Variants in FAM153A observed in about 807,000 individuals in gnomAD.
FAM153A encodes the protein family with sequence similarity 153 member A.
FAM153A carries 12 observed loss-of-function variants against 48.1 expected under a neutral mutation model. The ratio of observed to expected loss-of-function variants is 0.25; its 90% CI spans 0.16 to 0.40. The LOEUF (loss-of-function observed/expected upper bound fraction) is 0.40, where lower values mean the gene tolerates loss of function less well. Among genes scored for constraint, FAM153A ranks in the 10% least tolerant of loss-of-function variants. The pLI is 1.00. For missense variants in FAM153A, 111 were observed against 345.8 expected, an observed-to-expected ratio of 0.32 and a Z score of 5.38; for synonymous variants, 36 against 118.2, an observed-to-expected ratio of 0.30 and a Z score of 4.51.
chr5:177,743,670 T>C (rs1480606750), intron 6 of FAM153A, among the ~76,000 whole-genome samples: 1 of 82,636 alleles, frequency 1.2e-5, no homozygotes, highest in Non-Finnish European at 2.4e-5. Context: ...TGCCCCACTC[T>C]CCCTGCTCAA....
intron 25 of FAM153A, among the ~76,000 whole-genome samples, chr5:177,715,368 T>C (rs1314389576): frequency 6.7e-6 from 1 of 150,050 alleles, no homozygotes; most frequent in Non-Finnish European, 1.5e-5. Context: ...GTTCTGTAGC[T>C]GTCACTCAAT....
chr5:177,754,298 C>T (rs1472883227), upstream of FAM153A, among the ~76,000 whole-genome samples: 5 of 151,808 alleles, frequency 3.3e-5, no homozygotes, highest in African/African-American at 7.3e-5. Context: ...TAGGGGCGCC[C>T]GCCATTGCCC....
At chr5:177,716,964 AGTGTGTGTGTGTGTGTGTGTGT>A (rs59312087) in intron 24 of FAM153A, among the ~76,000 whole-genome samples, 1 of 127,652 alleles carries the variant, frequency 7.8e-6, no homozygotes, top group African/African-American at 3.1e-5. Context: ...ATTCCCGCTT[AGTGTGTGTGTGTGTGTGTGTGT>A]GTGTGTGTGT....
At chr5:177,743,338 C>T (rs1426269042) in intron 6 of FAM153A, among the ~76,000 whole-genome samples, 28 of 79,160 alleles carry the variant, frequency 3.5e-4, no homozygotes, top group African/African-American at 1.4e-3. Context: ...GCATGAGCCA[C>T]CCTCCATCAT....
chr5:177,701,984 T>C, the FAM153A span, among the ~76,000 whole-genome samples: 3 of 151,320 alleles, frequency 2.0e-5, no homozygotes, highest in Non-Finnish European at 4.4e-5. Context: ...CTCGGCTCAC[T>C]GCAAGCTCCG....
At chr5:177,701,316 C>T in the FAM153A span, among the ~76,000 whole-genome samples, 1 of 151,968 alleles carries the variant, frequency 6.6e-6, no homozygotes, top group East Asian at 1.9e-4. Flanking sequence ...GTAACCCCAG[C>T]ACTTTGGGAG....
At chr5:177,695,931 A>T in the FAM153A span, among the ~76,000 whole-genome samples, 1 of 65,728 alleles carries the variant, frequency 1.5e-5, no homozygotes, top group Non-Finnish European at 3.3e-5. Flanking sequence ...GGGCAGGGGC[A>T]CTCCCCACTT....
the FAM153A span, among the ~76,000 whole-genome samples, chr5:177,695,890 A>T: frequency 7.5e-6 from 1 of 133,898 alleles, no homozygotes; most frequent in African/African-American, 3.0e-5. Context: ...GGCCGGGCAG[A>T]GGCACTCCTC....
chr5:177,737,786 C>G (rs1283354447), intron 10 of FAM153A, among the ~76,000 whole-genome samples: 1 of 151,706 alleles, frequency 6.6e-6, no homozygotes, highest in African/African-American at 2.4e-5. Context: ...CCCCAAACTG[C>G]TGGAATTACA....
At chr5:177,753,164 G>C in intron 1 of FAM153A, 1 of 1,610,144 alleles carries the variant, frequency 6.2e-7, no homozygotes, top group South Asian at 1.1e-5. Context: ...AGATGGAAAT[G>C]AACATACATA....
intron 1 of FAM153A, among the ~76,000 whole-genome samples, chr5:177,752,746 G>T (rs868270066): frequency 6.6e-3 from 736 of 111,206 alleles, no homozygotes; most frequent in African/African-American, 0.015. Flanking sequence ...TTGCCAACAT[G>T]GTAAAACCCT....
rs1661893734 is a variant in FAM153A at position 177,741,080 on chromosome 5, AC to A, written c.441+175del. 2.7e-5 allele frequency among the ~76,000 whole-genome samples: 2 copies of A among 73,416 alleles called. 1 individual carries two copies. The highest frequency in any genetic ancestry group is 3.2e-4 in the Admixed American group (2 of 6,204). 48.2% of individuals were successfully genotyped at this position (73,416 alleles called of 152,430 possible). On this transcript the variant is annotated intron_variant, in intron 7 of 20. Transcript: ENST00000614127. ...TTACTGCCCTAGAGTTTTTAAGTGA[AC>A]CTGTCATCTTGAATTCATTCTTGCT...
the FAM153A span, among the ~76,000 whole-genome samples, chr5:177,695,546 G>A: frequency 6.6e-6 from 1 of 152,300 alleles, no homozygotes; most frequent in Non-Finnish European, 1.5e-5. Context: ...AGTTGACACA[G>A]CACATGTTTC....
upstream of FAM153A, among the ~76,000 whole-genome samples, chr5:177,754,616 C>T (rs1188099416): frequency 4.0e-5 from 6 of 151,804 alleles, no homozygotes; most frequent in African/African-American, 9.7e-5. Flanking sequence ...CTCACATGGC[C>T]GGCTACTCCT....
At chr5:177,696,405 C>T in the FAM153A span, among the ~76,000 whole-genome samples, 3 of 151,858 alleles carry the variant, frequency 2.0e-5, no homozygotes, top group Non-Finnish European at 2.9e-5. Flanking sequence ...TCCTCACTTC[C>T]CAGACGGGGC....
chr5:177,705,926 G>T (rs1757844866), downstream of FAM153A, among the ~76,000 whole-genome samples: 1 of 151,428 alleles, frequency 6.6e-6, no homozygotes, highest in African/African-American at 2.4e-5. Flanking sequence ...CCAAAGTGCT[G>T]GGATTATAGG....
chr5:177,696,346 G>A, the FAM153A span, among the ~76,000 whole-genome samples: 3 of 150,048 alleles, frequency 2.0e-5, no homozygotes, highest in Non-Finnish European at 4.4e-5. Context: ...ATGGGCGGCC[G>A]GGCAGAGGCG....
Position 177,739,675 on chromosome 5 carries a change from G to A in FAM153A, c.467-5C>T, listed in dbSNP as rs1425570742. On this transcript the variant is annotated splice_region_variant and splice_polypyrimidine_tract_variant and intron_variant, in intron 8 of 20. Transcript: ENST00000614127. ...CTATAAACTCCTCTAGATGATCTAG[G>A]AGAAATAGGGTAAGTGTCACTGCAT... is the stretch of plus-strand genomic sequence containing the variant. 2 of 464,732 alleles carry A rather than the reference G, an allele frequency of 4.3e-6. No homozygotes were observed. Among genetic ancestry groups the A allele is most frequent in the African/African-American group, 4.6e-5 (1 of 21,518 alleles). The allele number at this position is 464,732 out of a possible 1,614,324, so 28.8% of individuals were successfully genotyped here.
chr5:177,734,927 A>G, exon 13 of FAM153A: 4 of 1,539,950 alleles, frequency 2.6e-6, no homozygotes, highest in Non-Finnish European at 3.5e-6. Context: ...TACATCCCTG[A>G]TCAGAACTAG....
Sources: gnomAD v4.1 joint callset for allele counts (sites outside exome capture counted in the v4.1 genomes callset) on GRCh38, gnomAD v4.1.1 for gene constraint, MANE v1.5 for transcripts, NCBI Gene and HGNC (gene_info 2026-07-23, HGNC 2026-07-21) for gene names.